The following KDM2A variants were observed in gnomAD, a reference collection of about 807,000 sequenced individuals.
The protein encoded by KDM2A is lysine demethylase 2A, also known as lysine-specific demethylase 2A.
A neutral mutation model predicts 137.3 loss-of-function variants in KDM2A; 3 were observed. That is an observed-to-expected ratio of 0.02 (90% CI 0.01 to 0.06). The LOEUF is 0.06. KDM2A is among the 10% of genes least tolerant of loss of function. The pLI is 1.00. For synonymous variants in KDM2A, 512 were observed against 541.5 expected (o/e 0.95, Z 0.76); for missense variants, 738 against 1,510.6 (o/e 0.49, Z 8.48).
chr11:67,125,523 T>C (rs537642428), intron 2 of KDM2A, among the ~76,000 whole-genome samples: 1 of 151,726 alleles, frequency 6.6e-6, no homozygotes, highest in Admixed American at 6.6e-5. Context: ...TGAAATCCCA[T>C]CACTTTGGGA....
intron 5 of KDM2A, among the ~76,000 whole-genome samples, chr11:67,189,553 A>G (rs1857294626): frequency 6.6e-6 from 1 of 152,100 alleles, no homozygotes; most frequent in Admixed American, 6.6e-5. Flanking sequence ...GCAAGACCTT[A>G]TCTCGGCCGG....
intron 2 of KDM2A, among the ~76,000 whole-genome samples, chr11:67,138,213 T>G (rs550317341): frequency 9.9e-5 from 15 of 152,282 alleles, no homozygotes; most frequent in Admixed American, 9.2e-4. Flanking sequence ...AGAGTAGACT[T>G]CTGTAAGTCA....
At chr11:67,238,439 C>G (rs990379788) in intron 12 of KDM2A, among the ~76,000 whole-genome samples, 6 of 152,146 alleles carry the variant, frequency 3.9e-5, no homozygotes, top group African/African-American at 1.4e-4. Flanking sequence ...ATAGCTAGAT[C>G]ACTGTTAAGG....
rs1023975095 is a variant in KDM2A at position 67,132,624 on chromosome 11, G to A, written c.42+11266G>A. 2.0e-5 allele frequency among the ~76,000 whole-genome samples: 3 copies of A among 152,260 alleles called. No homozygotes were observed. The South Asian group carries it at 6.2e-4, about 32-fold the overall frequency. On this transcript the variant is annotated intron_variant, in intron 2 of 20. Coordinates refer to ENST00000529006, the MANE Select transcript of KDM2A (RefSeq NM_012308.3). Reference sequence around the variant, plus strand: ...ATATAACAGTGATTTGGCCAAAGTGGCATTTTGGGAGTAATGTCTCCAGTT... The same window carrying A: ...ATATAACAGTGATTTGGCCAAAGTGACATTTTGGGAGTAATGTCTCCAGTT...
At chr11:67,125,650 G>A (rs184910539) in intron 2 of KDM2A, among the ~76,000 whole-genome samples, 33 of 151,636 alleles carry the variant, frequency 2.2e-4, no homozygotes, top group African/African-American at 6.5e-4. Context: ...GTGGTGGTGC[G>A]TGCCTGTAAT....
chr11:67,221,346 A>G (rs554789044), intron 10 of KDM2A, among the ~76,000 whole-genome samples: 1 of 152,330 alleles, frequency 6.6e-6, no homozygotes, highest in South Asian at 2.1e-4. Flanking sequence ...GTGTAGAACT[A>G]TTAATGCTAC....
At chr11:67,241,608 AAC>A (rs1859045002) in intron 12 of KDM2A, among the ~76,000 whole-genome samples, 1 of 152,202 alleles carries the variant, frequency 6.6e-6, no homozygotes, top group Admixed American at 6.5e-5. Context: ...TGTTTGCCGA[AAC>A]AGTTACCATC....
chr11:67,178,348 T>C (rs1413914992), intron 2 of KDM2A, among the ~76,000 whole-genome samples: 1 of 152,188 alleles, frequency 6.6e-6, no homozygotes, highest in Middle Eastern at 3.2e-3. Context: ...GAGGTTGCAG[T>C]GAGCCTTAGT....
intron 2 of KDM2A, among the ~76,000 whole-genome samples, chr11:67,142,618 C>T (rs970509677): frequency 2.0e-5 from 3 of 150,486 alleles, no homozygotes; most frequent in Non-Finnish European, 3.0e-5. Context: ...GCAAGAGAAT[C>T]GCTTGAACCT....
At chr11:67,227,995 C>A in intron 10 of KDM2A, 42 bp from the exon 11 acceptor site, 1 of 1,582,846 alleles carries the variant, frequency 6.3e-7, no homozygotes, top group Non-Finnish European at 8.7e-7. Flanking sequence ...TACTCTCTTT[C>A]CTTGAAAATC....
chr11:67,121,910 G>C (rs553040199), intron 2 of KDM2A, among the ~76,000 whole-genome samples: 1 of 152,244 alleles, frequency 6.6e-6, no homozygotes, highest in East Asian at 1.9e-4. Context: ...CTGTGTTTTG[G>C]GAGGAATGTA....
intron 2 of KDM2A, among the ~76,000 whole-genome samples, chr11:67,122,792 C>T (rs1457696419): frequency 6.6e-6 from 1 of 151,912 alleles, no homozygotes; most frequent in Non-Finnish European, 1.5e-5. Context: ...TCTCCTGCCT[C>T]AGCCTCCCGA....
At chr11:67,230,645 A>C (rs900815944) in intron 11 of KDM2A, among the ~76,000 whole-genome samples, 1 of 151,858 alleles carries the variant, frequency 6.6e-6, no homozygotes, top group Non-Finnish European at 1.5e-5. Context: ...AAACCACAAC[A>C]TAAAAAAAAA....
chr11:67,206,803 T>C (rs961930674), intron 5 of KDM2A, among the ~76,000 whole-genome samples: 2 of 152,238 alleles, frequency 1.3e-5, no homozygotes, highest in African/African-American at 2.4e-5. Context: ...CCACTACTAT[T>C]TTATGCTGAC....
chr11:67,142,557 G>GGGGGGT (rs1856132241), intron 2 of KDM2A, among the ~76,000 whole-genome samples: 15 of 115,256 alleles, frequency 1.3e-4, no homozygotes, highest in Non-Finnish European at 2.0e-4. Flanking sequence ...AAGTTGGCCG[G>GGGGGGT]GGGGTTGGGG....
At chr11:67,209,066 G>T (rs1163487216) in intron 6 of KDM2A, among the ~76,000 whole-genome samples, 2 of 151,754 alleles carry the variant, frequency 1.3e-5, no homozygotes, top group Non-Finnish European at 2.9e-5. Context: ...CTCCTGAGTA[G>T]CTGAGACTAC....
At chr11:67,211,147 A>G (rs1480559165) in intron 6 of KDM2A, among the ~76,000 whole-genome samples, 2 of 152,136 alleles carry the variant, frequency 1.3e-5, no homozygotes, top group African/African-American at 4.8e-5. Context: ...CCCCCATAGT[A>G]TATCCCTTCA....
chr11:67,192,280 A>G (rs983114578), intron 5 of KDM2A, among the ~76,000 whole-genome samples: 1 of 152,110 alleles, frequency 6.6e-6, no homozygotes, highest in Non-Finnish European at 1.5e-5. Flanking sequence ...GTTTTTAAAC[A>G]TTAACAAATG....
chr11:67,250,296 C>T lies in KDM2A; in HGVS notation c.2266C>T (p.Arg756Cys), dbSNP rs1199579693. The T allele has an allele frequency of 3.7e-6, 6 of 1,613,974 alleles. No individual in the cohort carries two copies. Among genetic ancestry groups the T allele is most frequent in the South Asian group, 2.2e-5 (2 of 91,088 alleles). The change falls in exon 17 of 21, where the codon CGC becomes TGC. Residue 756 changes from arginine to cysteine, a missense_variant. Transcript: ENST00000529006. The surrounding 1 kb of genome is among the most constrained non-coding windows in gnomAD (Gnocchi z 7.1). ...SDHHSASRDE[R>C]FKRRQLLRLQ... ...CCACCACAGTGCCAGCCGCGATGAG[C>T]GCTTCAAACGGCGGCAGTTGCTGCG...
Sources: gnomAD v4.1 joint callset for allele counts (sites outside exome capture counted in the v4.1 genomes callset) on GRCh38, gnomAD v4.1.1 for gene constraint, Gnocchi (gnomAD v3.1) non-coding constraint, MANE v1.5 for transcripts, NCBI Gene and HGNC (gene_info 2026-07-23, HGNC 2026-07-21) for gene names.